The following PHKA1 variants were observed in gnomAD, a reference collection of about 807,000 sequenced individuals.
PHKA1 encodes the protein phosphorylase b kinase regulatory subunit alpha, skeletal muscle isoform.
A neutral mutation model predicts 110.2 loss-of-function variants in PHKA1; 60 were observed. The observed-to-expected ratio is 0.54, with a 90% confidence interval of 0.44 to 0.68. PHKA1 has a LOEUF of 0.68. PHKA1 is among the 30% of genes least tolerant of loss of function. The pLI is 0.00. For synonymous variants in PHKA1, 316 were observed against 333.6 expected (o/e 0.95, Z 0.58); for missense variants, 801 against 942.5 (o/e 0.85, Z 1.97).
intron 18 of PHKA1, chrX:72,622,338 T>A: frequency 1.3e-5 from 10 of 754,298 alleles, no homozygotes; most frequent in Non-Finnish European, 1.6e-5. Context: ...ATAAAGAAAT[T>A]GGCTGCCTTA....
chrX:72,642,859 A>G (rs1556296061), intron 14 of PHKA1, among the ~76,000 whole-genome samples: 2 of 111,920 alleles, frequency 1.8e-5, no homozygotes, highest in Non-Finnish European at 3.8e-5. Context: ...TTAGTTTTTC[A>G]TTATCTTTTT....
chrX:72,681,179 C>G (rs1244447428), intron 5 of PHKA1, among the ~76,000 whole-genome samples: 1 of 96,004 alleles, frequency 1.0e-5, no homozygotes, highest in Non-Finnish European at 2.2e-5. Flanking sequence ...GCCCCGCCGC[C>G]CCATCTGGGA....
chrX:72,612,029 G>A (rs782412596), intron 21 of PHKA1, among the ~76,000 whole-genome samples: 11 of 111,845 alleles, frequency 9.8e-5, no homozygotes, highest in Admixed American at 2.8e-4. Flanking sequence ...GTACATGAAT[G>A]TTTATACCAG....
intron 29 of PHKA1, among the ~76,000 whole-genome samples, chrX:72,590,028 C>A (rs1209655668): frequency 9.0e-6 from 1 of 111,268 alleles, no homozygotes; most frequent in Non-Finnish European, 1.9e-5. Flanking sequence ...CAATGCCATC[C>A]CCATCAAGCT....
intron 6 of PHKA1, among the ~76,000 whole-genome samples, chrX:72,675,307 A>AT (rs1387303640): frequency 3.6e-5 from 4 of 111,145 alleles, no homozygotes; most frequent in Middle Eastern, 4.7e-3. Flanking sequence ...TCCATGCAAT[A>AT]TTTTTTACTT....
intron 4 of PHKA1, among the ~76,000 whole-genome samples, chrX:72,686,701 C>CA (rs1407398464): frequency 1.8e-5 from 2 of 111,934 alleles, no homozygotes; most frequent in Admixed American, 9.5e-5. Flanking sequence ...CACTTTCAAA[C>CA]AAACAGAAAA....
chrX:72,600,701 A>T (rs782501065), intron 28 of PHKA1, among the ~76,000 whole-genome samples: 1 of 111,124 alleles, frequency 9.0e-6, no homozygotes, highest in South Asian at 3.8e-4. Context: ...AATTCCTTTT[A>T]AAAAAACCAA....
chrX:72,584,007 C>T (rs907430514), intron 30 of PHKA1, among the ~76,000 whole-genome samples: 4 of 112,335 alleles, frequency 3.6e-5, no homozygotes, highest in Non-Finnish European at 5.6e-5. Context: ...ACCCTCACAA[C>T]GCTCACATAA....
intron 8 of PHKA1, 60 bp from the exon 9 acceptor site, chrX:72,657,701 C>T: frequency 1.1e-6 from 1 of 910,728 alleles, no homozygotes. Flanking sequence ...TGTAATTAAT[C>T]AGAAATACAT....
chrX:72,704,047 A>G (rs2054244066), intron 3 of PHKA1, among the ~76,000 whole-genome samples: 1 of 112,424 alleles, frequency 8.9e-6, no homozygotes, highest in Non-Finnish European at 1.9e-5. Flanking sequence ...CAAAGGACTA[A>G]TGTCTATAAT....
intron 8 of PHKA1, among the ~76,000 whole-genome samples, chrX:72,661,718 G>C (rs782089985): frequency 2.1e-5 from 2 of 94,188 alleles, no homozygotes; most frequent in East Asian, 6.5e-4. Context: ...ATGTTCATTG[G>C]TTACACATGT....
chrX:72,652,436 T>A, intron 12 of PHKA1, 108 bp downstream of exon 12: 1 of 549,535 alleles, frequency 1.8e-6, no homozygotes, highest in Admixed American at 2.7e-5. Context: ...TAAGGCAAAG[T>A]GCAAAAGGCA....
chrX:72,642,995 A>G (rs2053315387), intron 14 of PHKA1, among the ~76,000 whole-genome samples: 1 of 111,352 alleles, frequency 9.0e-6, no homozygotes, highest in African/African-American at 3.3e-5. Flanking sequence ...AAGCCATGTT[A>G]ATAGCTCCGG....
At chrX:72,708,495 T>A (rs782123412) in intron 2 of PHKA1, among the ~76,000 whole-genome samples, 1 of 111,520 alleles carries the variant, frequency 9.0e-6, no homozygotes, top group Non-Finnish European at 1.9e-5. Flanking sequence ...TCGACTTTAC[T>A]TGTGGAGAAA....
chrX:72,608,142 G>A (rs1242541307), intron 23 of PHKA1, among the ~76,000 whole-genome samples: 4 of 111,396 alleles, frequency 3.6e-5, no homozygotes, highest in Non-Finnish European at 7.5e-5. Flanking sequence ...TAGTCAGCAC[G>A]TGATAAATCC....
chrX:72,628,628 C>A (rs1253612778), intron 16 of PHKA1, among the ~76,000 whole-genome samples: 1 of 103,279 alleles, frequency 9.7e-6, no homozygotes, highest in Non-Finnish European at 2.0e-5. Flanking sequence ...CTGCCTCTGT[C>A]ATGCAGGCTG....
At chrX:72,626,554 C>G (rs868971323) in intron 17 of PHKA1, among the ~76,000 whole-genome samples, 1 of 110,929 alleles carries the variant, frequency 9.0e-6, no homozygotes, top group African/African-American at 3.3e-5. Flanking sequence ...AGTTAGCCCC[C>G]GCTTACTCCT....
chrX:72,651,557 A>G (rs782155253), intron 12 of PHKA1, among the ~76,000 whole-genome samples: 1 of 111,312 alleles, frequency 9.0e-6, no homozygotes, highest in African/African-American at 3.3e-5. Context: ...ATAAAATAAA[A>G]TAAATTTTAA....
intron 29 of PHKA1, among the ~76,000 whole-genome samples, chrX:72,585,377 A>G (rs2052409249): frequency 8.9e-6 from 1 of 112,055 alleles, no homozygotes; most frequent in South Asian, 3.7e-4. Flanking sequence ...ACTTTTCAGA[A>G]ATGGCAAGTG....
Sources: gnomAD v4.1 joint callset for allele counts (sites outside exome capture counted in the v4.1 genomes callset) on GRCh38, gnomAD v4.1.1 for gene constraint, MANE v1.5 for transcripts, NCBI Gene and HGNC (gene_info 2026-07-23, HGNC 2026-07-21) for gene names.